The following KIF3B variants were observed in gnomAD, a reference collection of about 807,000 sequenced individuals.
KIF3B encodes kinesin-like protein KIF3B.
KIF3B carries 38 observed loss-of-function variants against 74.3 expected under a neutral mutation model. The ratio of observed to expected loss-of-function variants is 0.51; its 90% CI spans 0.39 to 0.67. The LOEUF (loss-of-function observed/expected upper bound fraction) is 0.67, where lower values mean the gene tolerates loss of function less well. Ranked by LOEUF, KIF3B falls within the 30% of genes least tolerant of loss-of-function variation. The pLI, the probability that KIF3B is intolerant of heterozygous loss-of-function variation, is 0.00. For synonymous variants in KIF3B, 326 were observed against 342.5 expected (o/e 0.95, Z 0.53); for missense variants, 649 against 932.0 (o/e 0.70, Z 3.95).
At position 32,299,397 on chromosome 20, in the gene KIF3B, ATATATATTTTTTTTTT is replaced by A. The variant is rs1419486581; in HGVS notation, c.-65-10314_-65-10299del. Among the ~76,000 whole-genome samples, 3 of 31,402 alleles carry A rather than the reference ATATATATTTTTTTTTT, an allele frequency of 9.6e-5. No homozygotes were observed. The Admixed American group carries it at 1.3e-3, about 13-fold the overall frequency. The allele number at this position is 31,402 out of a possible 152,430, so 20.6% of individuals were successfully genotyped here. A position where few individuals can be genotyped will look rare whatever the true frequency, so the allele number is the denominator to read the frequency against. Reference sequence around the variant, plus strand: ...TGTGTGTGTATATATATATATATATATATATATTTTTTTTTTTTTTTTTTTTTTTTTGAGACAGAGT... The same window carrying A: ...TGTGTGTGTATATATATATATATATATTTTTTTTTTTTTTTGAGACAGAGT... On this transcript the variant is annotated intron_variant, in intron 1 of 8. Coordinates refer to ENST00000375712, the MANE Select transcript of KIF3B (RefSeq NM_004798.4).
In KIF3B at chr20:32,310,036, G is replaced by A; in HGVS notation, c.259G>A (p.Gly87Ser). ...FRPLVDSVLQGFNGTIFAYGQ... is the reference protein window; with the variant it reads ...FRPLVDSVLQSFNGTIFAYGQ... Reference sequence around the variant, plus strand: ...ACCACTTGTTGACTCTGTCCTGCAAGGTTTCAATGGAACCATTTTTGCCTA... The same window carrying A: ...ACCACTTGTTGACTCTGTCCTGCAAAGTTTCAATGGAACCATTTTTGCCTA... The change falls in exon 2 of 9, where the codon GGT becomes AGT. Residue 87 changes from glycine to serine, a missense_variant. Gly to Ser is a moderately conservative substitution (Grantham distance 56). Transcript: ENST00000375712. This position sits in a 1 kb window ranked among gnomAD's most constrained non-coding sequence, Gnocchi z 6.5. 1 of 1,614,134 alleles carries A rather than the reference G, an allele frequency of 6.2e-7. No individual in the cohort carries two copies. Among genetic ancestry groups the A allele is most frequent in the Non-Finnish European group, 8.5e-7 (1 of 1,180,034 alleles).
intron 1 of KIF3B, among the ~76,000 whole-genome samples, chr20:32,308,223 G>A (rs1469493266): frequency 1.3e-5 from 2 of 152,120 alleles, no homozygotes; most frequent in South Asian, 2.1e-4. Context: ...GTGACAGAGC[G>A]AGACTCCGTC....
chr20:32,285,081 C>G (rs921071253), intron 1 of KIF3B, among the ~76,000 whole-genome samples: 2 of 134,068 alleles, frequency 1.5e-5, no homozygotes, highest in African/African-American at 5.6e-5. Flanking sequence ...ACCTGCATAA[C>G]TAATTTTAAA....
chr20:32,283,426 C>T (rs2047653293), intron 1 of KIF3B, among the ~76,000 whole-genome samples: 1 of 151,864 alleles, frequency 6.6e-6, no homozygotes, highest in Non-Finnish European at 1.5e-5. Flanking sequence ...ATCGCTTGAA[C>T]CCGGGAGGTG....
rs922711403 is a variant in KIF3B, at chr20:32,305,399, A to G, written c.-65-4314A>G. Reference sequence around the variant, plus strand: ...TTTAAAAATCCCTGCACTGAGATTTATAGGAGTTTGGGGTCCTCATATATA... The same window carrying G: ...TTTAAAAATCCCTGCACTGAGATTTGTAGGAGTTTGGGGTCCTCATATATA... On this transcript the variant is annotated intron_variant, in intron 1 of 8. Transcript: ENST00000375712. Among the ~76,000 whole-genome samples, 8 of 151,988 alleles carry G rather than the reference A, an allele frequency of 5.3e-5. 1 individual carries two copies. The highest frequency in any genetic ancestry group is 1.0e-4 in the Non-Finnish European group (7 of 68,006).
intron 1 of KIF3B, among the ~76,000 whole-genome samples, chr20:32,281,350 CCCGGATTGTATTTAT>C (rs761259628): frequency 6.6e-6 from 1 of 152,154 alleles, no homozygotes; most frequent in Non-Finnish European, 1.5e-5. Context: ...CACTATCCTG[CCCGGATTGTATTTAT>C]TCAGTATTTC....
At chr20:32,325,452 A>C (rs1428930389) in intron 5 of KIF3B, among the ~76,000 whole-genome samples, 1 of 151,918 alleles carries the variant, frequency 6.6e-6, no homozygotes, top group African/African-American at 2.4e-5. Flanking sequence ...GGCCTCCCGA[A>C]GCACTGAGAT....
At chr20:32,321,785 C>A (rs1293043565) in intron 5 of KIF3B, among the ~76,000 whole-genome samples, 2 of 152,134 alleles carry the variant, frequency 1.3e-5, no homozygotes, top group Non-Finnish European at 2.9e-5. Context: ...AGCATATGCT[C>A]TCTTCATGTC....
intron 1 of KIF3B, among the ~76,000 whole-genome samples, chr20:32,295,686 C>T (rs527577715): frequency 7.4e-4 from 112 of 151,940 alleles, no homozygotes; most frequent in African/African-American, 2.5e-3. Flanking sequence ...TTTTTAGAGC[C>T]GTCACTGCAT....
At position 32,309,872 on chromosome 20, in the gene KIF3B, T is replaced by A; in HGVS notation, c.95T>A (p.Val32Glu). 6.2e-7 allele frequency: 1 copy of A among 1,613,966 alleles called. No homozygotes were observed. The highest frequency in any genetic ancestry group is 8.5e-7 in the Non-Finnish European group (1 of 1,180,002). Reference protein sequence around the residue: ...KEKAASYDKVVDVDVKLGQVS... With the variant: ...KEKAASYDKVEDVDVKLGQVS... ...AAGGCTGCTTCGTATGACAAAGTGG[T>A]GGATGTGGATGTTAAGCTGGGGCAG... is the stretch of plus-strand genomic sequence containing the variant. Residue 32 changes from valine to glutamate, a missense_variant, in exon 2 of 9, where the codon GTG becomes GAG. Around this residue, in one of 4 missense-constraint regions of KIF3B, gnomAD observed 96 missense variants for 119.0 expected, o/e 0.81. Coordinates refer to ENST00000375712, the MANE Select transcript of KIF3B (RefSeq NM_004798.4).
chr20:32,322,764 A>ATTTATT lies in KIF3B; in HGVS notation c.1749-4006_1749-4005insTTATTT, dbSNP rs2047872036. ...TATTTATTTATATATATATTTATAT[A>ATTTATT]TATTTATATATATATTTATATATAT... is the stretch of plus-strand genomic sequence containing the variant. On this transcript the variant is annotated intron_variant, in intron 5 of 8. Transcript: ENST00000375712. Among the ~76,000 whole-genome samples the ATTTATT allele has an allele frequency of 1.2e-4, 5 of 40,476 alleles. 1 individual carries two copies. Among genetic ancestry groups the ATTTATT allele is most frequent in the East Asian group, 8.5e-3 (1 of 118 alleles). The allele number at this position is 40,476 out of a possible 152,430, so 26.6% of individuals were successfully genotyped here.
chr20:32,284,273 C>T lies in KIF3B; in HGVS notation c.-66+6508C>T, dbSNP rs6058617. ...ATTTGTATAACTTTGCAGTTTAGAA[C>T]GCTCTTTCCTGTGCATTCTCATTTA... On this transcript the variant is annotated intron_variant, in intron 1 of 8. Transcript: ENST00000375712. 7.1e-3 allele frequency among the ~76,000 whole-genome samples: 1,084 copies of T among 152,182 alleles called. 13 individuals carry two copies. The highest frequency in any genetic ancestry group is 0.024 in the African/African-American group (980 of 41,518).
intron 1 of KIF3B, among the ~76,000 whole-genome samples, chr20:32,288,997 A>G (rs1348811472): frequency 2.0e-5 from 3 of 152,198 alleles, no homozygotes. Context: ...TTGATAAGAC[A>G]AGATTCTGAT....
Position 32,277,713 on chromosome 20 carries a change from C to T in KIF3B, c.-118C>T. On this transcript the variant is annotated 5_prime_UTR_variant, in exon 1 of 9. Coordinates refer to ENST00000375712, the MANE Select transcript of KIF3B (RefSeq NM_004798.4). ...AGCCAGGGGTTCGCCGCCCCCGCCG[C>T]CGCCGCCGCCGCCGCCGCCGCCGCC... is the stretch of plus-strand genomic sequence containing the variant. The T allele has an allele frequency of 3.8e-6, 1 of 262,536 alleles. No homozygotes were observed. The highest frequency in any genetic ancestry group is 1.2e-4 in the South Asian group (1 of 8,298). The allele number at this position is 262,536 out of a possible 1,614,324, so 16.3% of individuals were successfully genotyped here.
intron 1 of KIF3B, among the ~76,000 whole-genome samples, chr20:32,280,221 GT>G: frequency 6.6e-6 from 1 of 152,270 alleles, no homozygotes; most frequent in South Asian, 2.1e-4. Flanking sequence ...CGTTATTTGG[GT>G]TTAACGTGGT....
At chr20:32,304,801 G>C (rs977333369) in intron 1 of KIF3B, among the ~76,000 whole-genome samples, 4 of 141,560 alleles carry the variant, frequency 2.8e-5, no homozygotes, top group Non-Finnish European at 4.4e-5. Flanking sequence ...GTCACAGAGA[G>C]AGAGAGAGAG....
At chr20:32,296,824 A>G (rs2047719469) in intron 1 of KIF3B, among the ~76,000 whole-genome samples, 1 of 152,126 alleles carries the variant, frequency 6.6e-6, no homozygotes, top group Non-Finnish European at 1.5e-5. Context: ...TTATTTTTCA[A>G]CCCAAGATGG....
At chr20:32,288,737 C>T (rs57208248) in intron 1 of KIF3B, among the ~76,000 whole-genome samples, 4,902 of 152,018 alleles carry the variant, frequency 0.032, 179 homozygotes, top group Admixed American at 0.089. Flanking sequence ...CTCACTCTGT[C>T]GCCTCAGCTC....
chr20:32,326,981 A>G, intron 6 of KIF3B, 97 bp downstream of exon 6: 1 of 668,714 alleles, frequency 1.5e-6, no homozygotes, highest in Non-Finnish European at 2.6e-6. Context: ...GTTTGATAAG[A>G]ACACAGTTTG....
Sources: allele counts gnomAD v4.1 joint callset (sites outside exome capture counted in the v4.1 genomes callset), GRCh38; gene constraint gnomAD v4.1.1; regional missense constraint gnomAD v4.1.1; non-coding constraint Gnocchi (gnomAD v3.1); transcripts MANE v1.5; gene names NCBI Gene and HGNC (gene_info 2026-07-23, HGNC 2026-07-21).